Variants in MAPK8 observed in about 807,000 individuals in gnomAD.
The protein encoded by MAPK8 is mitogen-activated protein kinase 8.
Under a neutral mutation model 52.9 loss-of-function variants are expected in MAPK8, and 13 were observed. The ratio of observed to expected loss-of-function variants is 0.25; its 90% CI spans 0.16 to 0.39. The LOEUF (loss-of-function observed/expected upper bound fraction) is 0.39. MAPK8 is among the 10% of genes least tolerant of loss of function. The probability of loss-of-function intolerance (pLI) is 1.00; values close to 1 mark genes in which losing one functional copy is unlikely to be tolerated. For synonymous variants in MAPK8, 191 were observed against 169.8 expected, an observed-to-expected ratio of 1.12 and a Z score of -0.97; for missense variants, 300 against 519.2, an observed-to-expected ratio of 0.58 and a Z score of 4.10.
At chr10:48,420,723 CAT>C (rs938720170) in intron 6 of MAPK8, among the ~76,000 whole-genome samples, 22 of 152,268 alleles carry the variant, frequency 1.4e-4, no homozygotes, top group Non-Finnish European at 2.4e-4. Context: ...AACTAAAGCT[CAT>C]AGCAGTAGCA....
intron 2 of MAPK8, among the ~76,000 whole-genome samples, chr10:48,403,512 TGCATAATAGAATG>T (rs1284897587): frequency 6.6e-6 from 1 of 152,096 alleles, no homozygotes; most frequent in African/African-American, 2.4e-5. Flanking sequence ...TTAATAAATT[TGCATAATAGAATG>T]GCATTTATTA....
At chr10:48,311,298 C>T in intron 1 of MAPK8, among the ~76,000 whole-genome samples, 1 of 152,110 alleles carries the variant, frequency 6.6e-6, no homozygotes, top group East Asian at 1.9e-4. Flanking sequence ...CAGAATATGC[C>T]ATTTGTTTCA....
At chr10:48,344,031 G>A (rs187726005) in intron 1 of MAPK8, among the ~76,000 whole-genome samples, 8 of 152,256 alleles carry the variant, frequency 5.3e-5, no homozygotes, top group East Asian at 1.9e-4. Flanking sequence ...TGCTTACCCC[G>A]TGAACATTTT....
intron 1 of MAPK8, among the ~76,000 whole-genome samples, chr10:48,354,806 G>T (rs1846698711): frequency 1.3e-5 from 2 of 149,990 alleles, no homozygotes; most frequent in African/African-American, 5.0e-5. Context: ...AAAAAAAACA[G>T]AAAAAGAATT....
intron 1 of MAPK8, among the ~76,000 whole-genome samples, chr10:48,341,877 G>T (rs1411150129): frequency 2.0e-5 from 3 of 152,208 alleles, no homozygotes; most frequent in African/African-American, 7.2e-5. Flanking sequence ...TCAATAGTAA[G>T]GAGAAGGAAG....
chr10:48,397,430 A>G (rs1286222148), intron 1 of MAPK8, among the ~76,000 whole-genome samples: 2 of 152,026 alleles, frequency 1.3e-5, no homozygotes, highest in Non-Finnish European at 2.9e-5. Flanking sequence ...TGCCAGGATT[A>G]TAGATATGAG....
At chr10:48,400,078 G>C (rs568518323) in intron 1 of MAPK8, among the ~76,000 whole-genome samples, 1 of 152,218 alleles carries the variant, frequency 6.6e-6, no homozygotes, top group East Asian at 1.9e-4. Context: ...AGGGAATTCA[G>C]GTTATGGTAG....
intron 1 of MAPK8, among the ~76,000 whole-genome samples, chr10:48,310,425 A>G (rs1333334266): frequency 6.6e-6 from 1 of 152,164 alleles, no homozygotes; most frequent in African/African-American, 2.4e-5. Flanking sequence ...TTTTTCTTTA[A>G]TATCCAGACT....
rs111259179 is a variant in MAPK8, at chr10:48,342,083, G to A, written c.-50+35262G>A. Among the ~76,000 whole-genome samples, 437 of 152,336 alleles carry A rather than the reference G, an allele frequency of 2.9e-3. 4 individuals carry two copies. The highest frequency in any genetic ancestry group is 0.01 in the African/African-American group (424 of 41,578). On this transcript the variant is annotated intron_variant, in intron 1 of 11. Coordinates refer to ENST00000374189, the MANE Select transcript of MAPK8 (RefSeq NM_001323329.2). ...CAGGGCCTATATCACACAAGACTGA[G>A]TACAAGTTATTCAGAATTTATTCAT...
chr10:48,320,042 C>A (rs112868033), intron 1 of MAPK8, among the ~76,000 whole-genome samples: 1 of 151,264 alleles, frequency 6.6e-6, no homozygotes, highest in Admixed American at 6.6e-5. Flanking sequence ...TCAGCCTCCC[C>A]AGTAGTTGGG....
chr10:48,422,082 G>T (rs968063905), intron 6 of MAPK8, among the ~76,000 whole-genome samples: 3 of 151,050 alleles, frequency 2.0e-5, no homozygotes, highest in Non-Finnish European at 2.9e-5. Flanking sequence ...GCCCAGGCTG[G>T]AGTACAGTCA....
At chr10:48,418,336 C>T (rs1461219214) in intron 5 of MAPK8, among the ~76,000 whole-genome samples, 1 of 152,192 alleles carries the variant, frequency 6.6e-6, no homozygotes, top group African/African-American at 2.4e-5. Context: ...TTAGAATAGA[C>T]TCAGCTGTAC....
chr10:48,403,058 A>G (rs1228132561), intron 2 of MAPK8, among the ~76,000 whole-genome samples: 1 of 152,220 alleles, frequency 6.6e-6, no homozygotes, highest in Non-Finnish European at 1.5e-5. Context: ...ATATATATGT[A>G]CAAAAGATTA....
intron 1 of MAPK8, among the ~76,000 whole-genome samples, chr10:48,359,451 A>T (rs947356320): frequency 3.3e-5 from 5 of 152,176 alleles, no homozygotes; most frequent in African/African-American, 1.2e-4. Context: ...AGTTCTTTGC[A>T]GGTCTTTTTC....
In MAPK8 at chr10:48,404,848, A is replaced by G. The variant is rs1165986743; in HGVS notation, c.123-4A>G. On this transcript the variant is annotated splice_polypyrimidine_tract_variant and splice_region_variant and intron_variant, in intron 2 of 11. Transcript: ENST00000374189. ...TTTGTGTGTTTTTGAATTTCTTATT[A>G]CAGCGCAGCTTATGATGCCATTCTT... 14 of 1,587,752 alleles carry G rather than the reference A, an allele frequency of 8.8e-6. No individual in the cohort carries two copies. The highest frequency in any genetic ancestry group is 1.2e-5 in the Non-Finnish European group (14 of 1,170,074).
intron 7 of MAPK8, among the ~76,000 whole-genome samples, chr10:48,424,795 C>T (rs1478142485): frequency 6.6e-6 from 1 of 152,004 alleles, no homozygotes; most frequent in East Asian, 1.9e-4. Flanking sequence ...TAATTATGCA[C>T]AATTACTTGC....
chr10:48,400,907 A>G (rs1276542041), intron 1 of MAPK8, among the ~76,000 whole-genome samples: 2 of 152,184 alleles, frequency 1.3e-5, no homozygotes, highest in Non-Finnish European at 2.9e-5. Flanking sequence ...CAGAAGTTGA[A>G]TCGTACTTTT....
chr10:48,412,007 G>A (rs1176889431), intron 5 of MAPK8, among the ~76,000 whole-genome samples: 2 of 152,016 alleles, frequency 1.3e-5, no homozygotes, highest in Non-Finnish European at 2.9e-5. Context: ...CCCACGCCTG[G>A]TTAATATTTT....
chr10:48,425,715 C>T (rs954982933), intron 7 of MAPK8, 173 bp from the exon 8 acceptor site: 8 of 451,532 alleles, frequency 1.8e-5, no homozygotes, highest in Non-Finnish European at 3.1e-5. Context: ...ATTTATTGAT[C>T]ATTTCTGTCC....
Sources: allele counts gnomAD v4.1 joint callset (sites outside exome capture counted in the v4.1 genomes callset), GRCh38; gene constraint gnomAD v4.1.1; transcripts MANE v1.5; gene names NCBI Gene and HGNC (gene_info 2026-07-23, HGNC 2026-07-21).